Variants in AKAP13 observed in about 807,000 individuals in gnomAD.
The protein encoded by AKAP13 is A-kinase anchoring protein 13.
In AKAP13, 80 loss-of-function variants were observed where a neutral mutation model predicts 264.5. That is an observed-to-expected ratio of 0.30 (90% CI 0.25 to 0.36). The LOEUF (loss-of-function observed/expected upper bound fraction) is 0.36, where lower values mean the gene tolerates loss of function less well. Among genes scored for constraint, AKAP13 ranks in the 10% least tolerant of loss-of-function variants. The probability of loss-of-function intolerance (pLI) is 1.00; values close to 1 mark genes in which losing one functional copy is unlikely to be tolerated. For missense variants in AKAP13, 3,712 were observed against 3,435.2 expected (o/e 1.08, Z -2.01); for synonymous variants, 1,380 against 1,250.2 (o/e 1.10, Z -2.19).
chr15:85,446,758 T>A (rs73448292), intron 1 of AKAP13, among the ~76,000 whole-genome samples: 5,903 of 150,944 alleles, frequency 0.039, 384 homozygotes, highest in African/African-American at 0.14. Flanking sequence ...TTGTCCAGGC[T>A]TTCCAGCCCT....
intron 1 of AKAP13, among the ~76,000 whole-genome samples, chr15:85,391,241 ACTTTT>A (rs1051811711): frequency 6.6e-6 from 1 of 152,148 alleles, no homozygotes; most frequent in African/African-American, 2.4e-5. Flanking sequence ...CATGCTGAAA[ACTTTT>A]CTTCTCTAAG....
chr15:85,711,773 C>A (rs1281421618), intron 19 of AKAP13, among the ~76,000 whole-genome samples: 3 of 152,192 alleles, frequency 2.0e-5, no homozygotes, highest in African/African-American at 7.2e-5. Context: ...TGGGCCCCAC[C>A]CTGATCTGTG....
chr15:85,402,483 A>G (rs2071471767), intron 1 of AKAP13, among the ~76,000 whole-genome samples: 1 of 152,174 alleles, frequency 6.6e-6, no homozygotes. Context: ...GTATAATACA[A>G]TGGGGGATCG....
chr15:85,530,087 A>G (rs1444052594), intron 3 of AKAP13, among the ~76,000 whole-genome samples: 1 of 152,162 alleles, frequency 6.6e-6, no homozygotes, highest in African/African-American at 2.4e-5. Flanking sequence ...TAGCTCACAC[A>G]TCCATCCATT....
intron 2 of AKAP13, among the ~76,000 whole-genome samples, chr15:85,490,860 A>G (rs2075702262): frequency 6.6e-6 from 1 of 152,154 alleles, no homozygotes; most frequent in Non-Finnish European, 1.5e-5. Context: ...AAGTTCTATG[A>G]AAATAAATGA....
chr15:85,684,941 C>G (rs1247931602), intron 16 of AKAP13, 68 bp downstream of exon 16: 2 of 1,513,378 alleles, frequency 1.3e-6, no homozygotes, highest in African/African-American at 2.8e-5. Context: ...GCATTCACAC[C>G]AAAACTGGTT....
chr15:85,531,410 G>T (rs1346018546), intron 3 of AKAP13, among the ~76,000 whole-genome samples: 2 of 152,200 alleles, frequency 1.3e-5, no homozygotes, highest in Non-Finnish European at 2.9e-5. Context: ...TGATCATAGT[G>T]CCTGGACTTG....
Position 85,707,561 on chromosome 15 carries a change from T to C in AKAP13, c.5465-458T>C, listed in dbSNP as rs147994690. Among the ~76,000 whole-genome samples, 698 of 152,372 alleles carry C rather than the reference T, an allele frequency of 4.6e-3. 5 individuals carry two copies. Among genetic ancestry groups the C allele is most frequent in the Non-Finnish European group, 6.6e-3 (447 of 68,030 alleles). On this transcript the variant is annotated intron_variant, in intron 17 of 36. Transcript: ENST00000394518. ...TAACCCCTGTTAGGGGCTTTATTAA[T>C]GTATTTATTTGTAATTTAGACTTAC...
intron 16 of AKAP13, among the ~76,000 whole-genome samples, chr15:85,690,451 T>C (rs1318542876): frequency 6.6e-6 from 1 of 152,252 alleles, no homozygotes; most frequent in African/African-American, 2.4e-5. Context: ...TGATTATTAC[T>C]AAAGTTTTAT....
At chr15:85,722,151 T>C (rs775227801) in intron 24 of AKAP13, 35 bp downstream of exon 24, 1 of 1,612,852 alleles carries the variant, frequency 6.2e-7, no homozygotes, top group South Asian at 1.1e-5. Flanking sequence ...CCCGTTATTG[T>C]TGAGAGCCAT....
At chr15:85,490,057 G>C (rs531722632) in intron 2 of AKAP13, among the ~76,000 whole-genome samples, 500 of 152,294 alleles carry the variant, frequency 3.3e-3, no homozygotes, top group South Asian at 6.6e-3. Context: ...AATGATTATT[G>C]CCAGATGAAT....
At chr15:85,480,045 T>A (rs951967374) in intron 1 of AKAP13, among the ~76,000 whole-genome samples, 3 of 152,204 alleles carry the variant, frequency 2.0e-5, no homozygotes, top group Non-Finnish European at 4.4e-5. Flanking sequence ...GTGTATAATG[T>A]TTTCTTCCTG....
At chr15:85,698,585 A>G (rs2085708946) in intron 17 of AKAP13, among the ~76,000 whole-genome samples, 2 of 152,020 alleles carry the variant, frequency 1.3e-5, no homozygotes. Context: ...TGTCATGACT[A>G]CTGGACTCTG....
chr15:85,483,797 C>T (rs185925803), intron 1 of AKAP13, among the ~76,000 whole-genome samples: 3 of 152,146 alleles, frequency 2.0e-5, no homozygotes, highest in African/African-American at 2.4e-5. Context: ...GGCGACAGAG[C>T]GAGACTCCAT....
chr15:85,580,374 T>C lies in AKAP13; in HGVS notation c.2306T>C (p.Met769Thr), dbSNP rs754578028. The C allele has an allele frequency of 6.2e-7, 1 of 1,614,218 alleles. No individual in the cohort carries two copies. The highest frequency in any genetic ancestry group is 1.7e-5 in the Admixed American group (1 of 60,030). ...VSHPHPVVPK[M>T]EKELVPDQAV... ...CATCCACATCCAGTTGTCCCTAAAA[T>C]GGAGAAAGAACTGGTGCCAGACCAG... The change falls in exon 7 of 37, where the codon ATG (methionine) becomes ACG (threonine). Residue 769 changes from methionine (M) to threonine (T), a missense_variant. Met to Thr is a moderately conservative substitution (Grantham distance 81). Transcript: ENST00000394518.
chr15:85,705,462 A>T (rs28413488), intron 17 of AKAP13, among the ~76,000 whole-genome samples: 2,885 of 152,304 alleles, frequency 0.019, 81 homozygotes, highest in African/African-American at 0.06. Flanking sequence ...AAAGAAAAAA[A>T]ATATACTTTT....
intron 1 of AKAP13, among the ~76,000 whole-genome samples, chr15:85,387,772 C>G (rs1364029022): frequency 6.6e-6 from 1 of 152,120 alleles, no homozygotes; most frequent in Non-Finnish European, 1.5e-5. Flanking sequence ...TTGGATCTTG[C>G]ATGTGTTTTG....
chr15:85,408,266 A>G (rs1051404095), intron 1 of AKAP13, among the ~76,000 whole-genome samples: 3 of 151,810 alleles, frequency 2.0e-5, no homozygotes, highest in Non-Finnish European at 4.4e-5. Context: ...CCAGTAATTG[A>G]TATTTTAAGA....
intron 1 of AKAP13, among the ~76,000 whole-genome samples, chr15:85,396,787 TTTA>T (rs1421867278): frequency 2.0e-4 from 30 of 152,256 alleles, no homozygotes; most frequent in African/African-American, 7.0e-4. Flanking sequence ...CTGCAAACCT[TTTA>T]TTAAGCACTT....
Sources: gnomAD v4.1 joint callset for allele counts (sites outside exome capture counted in the v4.1 genomes callset) on GRCh38, gnomAD v4.1.1 for gene constraint, MANE v1.5 for transcripts, NCBI Gene and HGNC (gene_info 2026-07-23, HGNC 2026-07-21) for gene names.